Variants in AGPAT3 observed in about 807,000 individuals in gnomAD.
AGPAT3 encodes the protein 1-acylglycerol-3-phosphate O-acyltransferase 3, also known as 1-acyl-sn-glycerol-3-phosphate acyltransferase gamma.
Under a neutral mutation model 47.3 loss-of-function variants are expected in AGPAT3, and 5 were observed. The observed-to-expected ratio is 0.11, with a 90% confidence interval of 0.06 to 0.22. AGPAT3 has a LOEUF of 0.22. AGPAT3 is among the 10% of genes least tolerant of loss of function. The probability of loss-of-function intolerance (pLI) is 1.00; values close to 1 mark genes in which losing one functional copy is unlikely to be tolerated. For synonymous variants in AGPAT3, 212 were observed against 208.3 expected (o/e 1.02, Z -0.15); for missense variants, 315 against 493.0 (o/e 0.64, Z 3.42).
At chr21:43,884,269 C>CCCCTCCTCCT (rs1425069563) in intron 1 of AGPAT3, among the ~76,000 whole-genome samples, 4 of 138,886 alleles carry the variant, frequency 2.9e-5, no homozygotes, top group Admixed American at 7.3e-5. Context: ...CCCCTCCTTC[C>CCCCTCCTCCT]CCCTCCTCCT....
At chr21:43,918,115 A>T (rs1312529062) in intron 2 of AGPAT3, among the ~76,000 whole-genome samples, 1 of 78,030 alleles carries the variant, frequency 1.3e-5, no homozygotes, top group Non-Finnish European at 2.5e-5. Context: ...GTGTTGTGTT[A>T]TGGGTGTTGT....
At chr21:43,887,990 T>G (rs1399716396) in intron 1 of AGPAT3, among the ~76,000 whole-genome samples, 1 of 152,266 alleles carries the variant, frequency 6.6e-6, no homozygotes, top group African/African-American at 2.4e-5. Context: ...ATTCAACTTC[T>G]CTATACAAAC....
At chr21:43,897,641 C>G (rs183242873) in intron 1 of AGPAT3, among the ~76,000 whole-genome samples, 5,173 of 129,802 alleles carry the variant, frequency 0.04, 819 homozygotes, top group African/African-American at 0.13. Context: ...CGGGCAGAGG[C>G]GCTCCTCACA....
intron 2 of AGPAT3, among the ~76,000 whole-genome samples, chr21:43,943,375 G>A (rs1296899537): frequency 2.0e-5 from 3 of 152,070 alleles, no homozygotes; most frequent in Non-Finnish European, 2.9e-5. Context: ...CGCCCACCCG[G>A]GACATCATTT....
In AGPAT3 at chr21:43,922,052, G is replaced by A. The variant is rs1569065702; in HGVS notation, c.-49+18033G>A. Among the ~76,000 whole-genome samples, 3 of 152,016 alleles carry A rather than the reference G, an allele frequency of 2.0e-5. No homozygotes were observed. Among genetic ancestry groups the A allele is most frequent in the South Asian group, 2.1e-4 (1 of 4,830 alleles). ...TTTAGCAAATACTTGATAGATTGTT[G>A]TGAGAATGTGGGCTTCCTTATTTGG... On this transcript the variant is annotated intron_variant, in intron 2 of 9. Coordinates refer to ENST00000291572, the MANE Select transcript of AGPAT3 (RefSeq NM_020132.5). This position sits in a 1 kb window ranked among gnomAD's most constrained non-coding sequence, Gnocchi z 4.9.
chr21:43,886,826 TTTTC>T (rs1413980769), intron 1 of AGPAT3, among the ~76,000 whole-genome samples: 3 of 152,192 alleles, frequency 2.0e-5, no homozygotes, highest in Non-Finnish European at 1.5e-5. Context: ...AAGAACCACA[TTTTC>T]TTTATCCATC....
At chr21:43,921,421 C>T (rs918166676) in intron 2 of AGPAT3, among the ~76,000 whole-genome samples, 1 of 152,150 alleles carries the variant, frequency 6.6e-6, no homozygotes, top group African/African-American at 2.4e-5. Flanking sequence ...CCAGCTTAGC[C>T]GGGTGGTCAG....
intron 4 of AGPAT3, among the ~76,000 whole-genome samples, chr21:43,968,674 C>T (rs538708915): frequency 5.9e-5 from 9 of 152,200 alleles, no homozygotes; most frequent in African/African-American, 2.2e-4. Flanking sequence ...TGTCCCCGAG[C>T]TGTGCCCTCC....
intron 1 of AGPAT3, among the ~76,000 whole-genome samples, chr21:43,869,061 T>C (rs2085568541): frequency 1.3e-5 from 2 of 151,606 alleles, no homozygotes; most frequent in African/African-American, 4.9e-5. Flanking sequence ...ATTTAAACAC[T>C]TTTCACTTGT....
chr21:43,960,784 G>A, intron 3 of AGPAT3: 3 of 984,712 alleles, frequency 3.0e-6, no homozygotes, highest in Non-Finnish European at 2.4e-6. Context: ...TCCATAGTAT[G>A]CTATGATTCA....
intron 1 of AGPAT3, among the ~76,000 whole-genome samples, chr21:43,895,148 A>G (rs970748169): frequency 2.8e-4 from 42 of 151,220 alleles, no homozygotes; most frequent in African/African-American, 1.0e-3. Flanking sequence ...TCTGTCCCCC[A>G]GTCTGGAGTG....
chr21:43,971,290 G>A (rs2146794804), intron 6 of AGPAT3, 98 bp from the exon 7 acceptor site: 1 of 1,043,174 alleles, frequency 9.6e-7, no homozygotes, highest in South Asian at 1.4e-5. Context: ...GTTCTCCCCA[G>A]GACGGGGCCG....
intron 2 of AGPAT3, among the ~76,000 whole-genome samples, chr21:43,911,473 C>T (rs2086632116): frequency 1.3e-5 from 2 of 152,258 alleles, no homozygotes; most frequent in South Asian, 2.1e-4. Flanking sequence ...AAGATTGCAA[C>T]ACTGGCCCTC....
chr21:43,985,698 T>C lies in AGPAT3; in HGVS notation c.*3306T>C. The C allele has an allele frequency of 5.3e-6, 1 of 187,808 alleles. No homozygotes were observed. The highest frequency in any genetic ancestry group is 9.8e-5 in the South Asian group (1 of 10,156). The allele number at this position is 187,808 out of a possible 1,614,324, so 11.6% of individuals were successfully genotyped here. A position where few individuals can be genotyped will look rare whatever the true frequency, so the allele number is the denominator to read the frequency against. ...ATGCTTTGTCTCTACCTGAGACACT[T>C]CTACAACAAGCCAAGTATAATCTCT... is the stretch of plus-strand genomic sequence containing the variant. On this transcript the variant is annotated 3_prime_UTR_variant, in exon 10 of 10. Coordinates refer to ENST00000291572, the MANE Select transcript of AGPAT3 (RefSeq NM_020132.5).
At chr21:43,878,465 G>A (rs2085781512) in intron 1 of AGPAT3, among the ~76,000 whole-genome samples, 1 of 152,262 alleles carries the variant, frequency 6.6e-6, no homozygotes, top group African/African-American at 2.4e-5. Context: ...ACAGCCAGCT[G>A]TGGCCAGCCC....
rs1036092799 is a variant in AGPAT3, at chr21:43,984,738, G to A, written c.*2346G>A. ...TTGCTTTTCATCCAGAAGGAAAAGG[G>A]GAGGAGAGCTCCTTTACATTTTTTA... On this transcript the variant is annotated 3_prime_UTR_variant, in exon 10 of 10. Coordinates refer to ENST00000291572, the MANE Select transcript of AGPAT3 (RefSeq NM_020132.5). 1.2e-5 allele frequency: 2 copies of A among 161,262 alleles called. No individual in the cohort carries two copies. The highest frequency in any genetic ancestry group is 1.9e-4 in the East Asian group (1 of 5,362). The allele number at this position is 161,262 out of a possible 1,614,324, so 10.0% of individuals were successfully genotyped here.
intron 3 of AGPAT3, among the ~76,000 whole-genome samples, 188 bp downstream of exon 3, chr21:43,960,047 G>A (rs140459652): frequency 5.3e-4 from 80 of 152,320 alleles, no homozygotes; most frequent in Middle Eastern, 3.4e-3. Flanking sequence ...GCTGTGTGAC[G>A]TGCCACTCTC....
At position 43,983,611 on chromosome 21, in the gene AGPAT3, G is replaced by C. The variant is rs1351376412; in HGVS notation, c.*1219G>C. 1 of 152,266 alleles carries C rather than the reference G, an allele frequency of 6.6e-6. No individual in the cohort carries two copies. Among genetic ancestry groups the C allele is most frequent in the African/African-American group, 2.4e-5 (1 of 41,460 alleles). The allele number at this position is 152,266 out of a possible 1,614,324, so 9.4% of individuals were successfully genotyped here. On this transcript the variant is annotated 3_prime_UTR_variant, in exon 10 of 10. Transcript: ENST00000291572. ...TCGGCCGGTCATGCTGGCTCCCTTG[G>C]CCTTGCAGCGAGCCCCTGGCCCACG...
intron 1 of AGPAT3, among the ~76,000 whole-genome samples, chr21:43,874,286 C>T (rs1024876457): frequency 2.6e-5 from 4 of 152,066 alleles, no homozygotes; most frequent in Admixed American, 6.6e-5. Context: ...TCGGCTTCCC[C>T]GAGTGCTGGG....
Sources: allele counts gnomAD v4.1 joint callset (sites outside exome capture counted in the v4.1 genomes callset), GRCh38; gene constraint gnomAD v4.1.1; non-coding constraint Gnocchi (gnomAD v3.1); transcripts MANE v1.5; gene names NCBI Gene and HGNC (gene_info 2026-07-23, HGNC 2026-07-21).